Variants in AGBL4 observed in about 807,000 individuals in gnomAD.
AGBL4 encodes cytosolic carboxypeptidase 6.
In AGBL4, 58 loss-of-function variants were observed where a neutral mutation model predicts 66.4. The ratio of observed to expected loss-of-function variants is 0.87; its 90% confidence interval spans 0.71 to 1.09. The LOEUF is 1.09. Ranked by LOEUF, AGBL4 falls within the 50% of genes least tolerant of loss-of-function variation. The pLI is 0.00. For synonymous variants in AGBL4, 234 were observed against 222.9 expected (o/e 1.05, Z -0.44); for missense variants, 579 against 631.0 (o/e 0.92, Z 0.88).
chr1:49,171,229 G>A (rs1051238961), intron 4 of AGBL4, among the ~76,000 whole-genome samples: 7 of 152,144 alleles, frequency 4.6e-5, no homozygotes, highest in African/African-American at 1.2e-4. Flanking sequence ...CAGGCACAAG[G>A]ACCCCTTCAA....
At chr1:49,190,055 CA>C (rs1352563042) in intron 4 of AGBL4, among the ~76,000 whole-genome samples, 1 of 152,128 alleles carries the variant, frequency 6.6e-6, no homozygotes, top group East Asian at 1.9e-4. Flanking sequence ...TCAAGAGAGT[CA>C]GGTTGCTAGC....
intron 3 of AGBL4, among the ~76,000 whole-genome samples, chr1:49,402,567 G>GC (rs1553196190): frequency 1.5e-5 from 2 of 130,630 alleles, no homozygotes; most frequent in African/African-American, 2.6e-5. Flanking sequence ...TATTTTGAAT[G>GC]CCTTTTTTTT....
chr1:49,357,917 T>C (rs1557866915), intron 3 of AGBL4, among the ~76,000 whole-genome samples: 3 of 152,162 alleles, frequency 2.0e-5, no homozygotes, highest in Admixed American at 6.6e-5. Context: ...TCGTTCCTTG[T>C]CTGAATTCTA....
intron 5 of AGBL4, among the ~76,000 whole-genome samples, chr1:48,996,807 C>T (rs577827998): frequency 7.2e-6 from 1 of 139,350 alleles, no homozygotes; most frequent in East Asian, 2.1e-4. Flanking sequence ...AAGGAATTTC[C>T]TTCCTTCCTC....
intron 12 of AGBL4, among the ~76,000 whole-genome samples, chr1:48,537,049 G>T (rs2798109): frequency 0.51 from 77,758 of 152,102 alleles, 22,920 homozygotes; most frequent in Non-Finnish European, 0.69. Flanking sequence ...GATTAGTTTT[G>T]AGTCAAAACA....
At chr1:49,879,379 T>C (rs1272171773) in intron 1 of AGBL4, among the ~76,000 whole-genome samples, 2 of 150,314 alleles carry the variant, frequency 1.3e-5, no homozygotes, top group African/African-American at 4.9e-5. Context: ...CTCTCAGCAT[T>C]TGCTTGTCTG....
At chr1:48,574,780 C>T (rs993509809) in intron 11 of AGBL4, among the ~76,000 whole-genome samples, 1 of 152,132 alleles carries the variant, frequency 6.6e-6, no homozygotes, top group Non-Finnish European at 1.5e-5. Flanking sequence ...TGGCAGCTGC[C>T]TCCTCTTATT....
At chr1:49,920,014 G>T (rs1652034450) in intron 1 of AGBL4, among the ~76,000 whole-genome samples, 2 of 152,152 alleles carry the variant, frequency 1.3e-5, no homozygotes, top group Admixed American at 1.3e-4. Context: ...AATAAATGGT[G>T]CTGGGAAAAC....
At chr1:48,928,292 G>T (rs1009839686) in intron 5 of AGBL4, among the ~76,000 whole-genome samples, 1 of 152,144 alleles carries the variant, frequency 6.6e-6, no homozygotes, top group Non-Finnish European at 1.5e-5. Context: ...ACTTACAGGG[G>T]TTTGAACTCA....
intron 5 of AGBL4, among the ~76,000 whole-genome samples, chr1:49,039,003 C>T (rs1265182852): frequency 6.6e-6 from 1 of 152,072 alleles, no homozygotes; most frequent in Non-Finnish European, 1.5e-5. Context: ...ACAATGGACT[C>T]TTATTCAGTG....
intron 3 of AGBL4, among the ~76,000 whole-genome samples, chr1:49,435,576 C>T (rs1365145033): frequency 1.3e-5 from 2 of 152,134 alleles, no homozygotes; most frequent in African/African-American, 4.8e-5. Context: ...TGTCAGAAGT[C>T]ACATAGGATC....
At chr1:48,818,374 A>T (rs1430096562) in intron 6 of AGBL4, among the ~76,000 whole-genome samples, 1 of 152,118 alleles carries the variant, frequency 6.6e-6, no homozygotes, top group African/African-American at 2.4e-5. Context: ...GCACTAAGTG[A>T]CTCTTAGGGC....
intron 5 of AGBL4, among the ~76,000 whole-genome samples, chr1:48,953,888 GA>G (rs1312565976): frequency 6.6e-6 from 1 of 152,216 alleles, no homozygotes; most frequent in African/African-American, 2.4e-5. Context: ...GCCTAGCTTA[GA>G]GGTAGAGTAG....
chr1:49,722,563 TAAC>T (rs1427779228), intron 2 of AGBL4, among the ~76,000 whole-genome samples: 1 of 152,208 alleles, frequency 6.6e-6, no homozygotes, highest in Non-Finnish European at 1.5e-5. Context: ...CAATGATGAA[TAAC>T]AATAGGGATT....
At chr1:49,276,438 T>G (rs1226547032) in intron 3 of AGBL4, among the ~76,000 whole-genome samples, 1 of 152,174 alleles carries the variant, frequency 6.6e-6, no homozygotes, top group East Asian at 1.9e-4. Context: ...AAAATATATT[T>G]ATTTGGCATA....
At chr1:48,586,687 A>G in intron 11 of AGBL4, 1 of 307,192 alleles carries the variant, frequency 3.3e-6, no homozygotes, top group African/African-American at 2.1e-5. Context: ...GGACTTGCAT[A>G]GCTTAGATGG....
intron 3 of AGBL4, among the ~76,000 whole-genome samples, chr1:49,634,237 C>A (rs1205010072): frequency 6.6e-6 from 1 of 152,002 alleles, no homozygotes; most frequent in Non-Finnish European, 1.5e-5. Flanking sequence ...TGAGGGGCCC[C>A]AGTGTGTGAT....
intron 1 of AGBL4, among the ~76,000 whole-genome samples, chr1:49,914,251 A>AT (rs1430919614): frequency 6.6e-6 from 1 of 152,182 alleles, no homozygotes; most frequent in Non-Finnish European, 1.5e-5. Context: ...AAAAGCAGCC[A>AT]TTTTAAAAGT....
intron 11 of AGBL4, among the ~76,000 whole-genome samples, chr1:48,580,532 A>T (rs1644724320): frequency 6.6e-6 from 1 of 152,166 alleles, no homozygotes; most frequent in Non-Finnish European, 1.5e-5. Context: ...AAGAGGTTTG[A>T]TGTTTTTGAT....
Sources: allele counts gnomAD v4.1 joint callset (sites outside exome capture counted in the v4.1 genomes callset), GRCh38; gene constraint gnomAD v4.1.1; transcripts MANE v1.5; gene names NCBI Gene and HGNC (gene_info 2026-07-23, HGNC 2026-07-21).